STXBP4: variants seen among roughly 807,000 people sequenced by gnomAD.
STXBP4 encodes syntaxin binding protein 4.
In STXBP4, 55 loss-of-function variants were observed where a neutral mutation model predicts 76.1. The observed-to-expected ratio is 0.72, with a 90% CI of 0.58 to 0.91. The LOEUF (loss-of-function observed/expected upper bound fraction) is 0.91. STXBP4 is among the 40% of genes least tolerant of loss of function. The pLI, the probability that STXBP4 is intolerant of heterozygous loss-of-function variation, is 0.00. For missense variants in STXBP4, 618 were observed against 636.9 expected, an observed-to-expected ratio of 0.97 and a Z score of 0.32; for synonymous variants, 201 against 220.2, an observed-to-expected ratio of 0.91 and a Z score of 0.77.
At chr17:55,154,139 A>G (rs546312122) in intron 17 of STXBP4, among the ~76,000 whole-genome samples, 1 of 152,246 alleles carries the variant, frequency 6.6e-6, no homozygotes, top group African/African-American at 2.4e-5. Context: ...GGCTCCTCCC[A>G]TCTCATGTCT....
At chr17:55,053,538 G>A (rs912616737) in intron 12 of STXBP4, among the ~76,000 whole-genome samples, 1 of 152,018 alleles carries the variant, frequency 6.6e-6, no homozygotes, top group African/African-American at 2.4e-5. Context: ...ATGAACCTGG[G>A]GAATTAGGTA....
chr17:55,041,668 G>A (rs1392962510), intron 10 of STXBP4, among the ~76,000 whole-genome samples: 15 of 152,124 alleles, frequency 9.9e-5, no homozygotes, highest in Admixed American at 9.8e-4. Context: ...ATAAATGAAG[G>A]CAGCAGGGTA....
chr17:55,040,448 C>T (rs1418964531), intron 10 of STXBP4, among the ~76,000 whole-genome samples: 1 of 152,038 alleles, frequency 6.6e-6, no homozygotes, highest in African/African-American at 2.4e-5. Flanking sequence ...TAATGGAAGG[C>T]CTTATCAATA....
At chr17:55,082,401 A>G (rs985319923) in intron 16 of STXBP4, among the ~76,000 whole-genome samples, 18 of 152,226 alleles carry the variant, frequency 1.2e-4, no homozygotes, top group East Asian at 1.9e-4. Flanking sequence ...AGCCTGGGAA[A>G]TTTAATGTAT....
the STXBP4 span, among the ~76,000 whole-genome samples, chr17:55,184,559 T>C: frequency 2.6e-5 from 4 of 152,238 alleles, no homozygotes; most frequent in Admixed American, 2.6e-4. Context: ...GAATCATACA[T>C]ATGTATTCTT....
At chr17:55,142,557 A>G (rs1163257949) in intron 17 of STXBP4, among the ~76,000 whole-genome samples, 2 of 152,174 alleles carry the variant, frequency 1.3e-5, no homozygotes, top group Non-Finnish European at 2.9e-5. Flanking sequence ...TTAAGTACCT[A>G]GCATAGAACT....
chr17:55,152,788 T>A (rs1372883774), intron 17 of STXBP4, among the ~76,000 whole-genome samples: 1 of 152,168 alleles, frequency 6.6e-6, no homozygotes, highest in African/African-American at 2.4e-5. Flanking sequence ...GAGATTTGGG[T>A]GGGTACACAG....
At chr17:55,194,684 G>T in the STXBP4 span, among the ~76,000 whole-genome samples, 1 of 152,340 alleles carries the variant, frequency 6.6e-6, no homozygotes, top group East Asian at 1.9e-4. Flanking sequence ...ATAGGTTCCA[G>T]AAGGTCAGAG....
chr17:55,175,284 C>T (rs2080425625), downstream of STXBP4, among the ~76,000 whole-genome samples: 1 of 152,120 alleles, frequency 6.6e-6, no homozygotes, highest in South Asian at 2.1e-4. Flanking sequence ...TTTTTGAAAT[C>T]TAAAGACACC....
rs113168002 is a variant in STXBP4 at position 55,068,769 on chromosome 17, T to A, written c.1012-4131T>A. Reference sequence around the variant, plus strand: ...ATAAAATAGGTGTGATTTTCCATTATAAAAATGAGCAAACTGAGTCTTAGA... The same window carrying A: ...ATAAAATAGGTGTGATTTTCCATTAAAAAAATGAGCAAACTGAGTCTTAGA... On this transcript the variant is annotated intron_variant, in intron 12 of 17. Coordinates refer to ENST00000376352, the MANE Select transcript of STXBP4 (RefSeq NM_178509.6). Among the ~76,000 whole-genome samples the A allele has an allele frequency of 8.3e-3, 1,260 of 152,226 alleles. 16 individuals are homozygous for A. The highest frequency in any genetic ancestry group is 0.029 in the African/African-American group (1,224 of 41,558).
chr17:55,101,707 A>G (rs978445011), intron 16 of STXBP4, among the ~76,000 whole-genome samples: 1 of 152,246 alleles, frequency 6.6e-6, no homozygotes, highest in African/African-American at 2.4e-5. Context: ...ACAAGGAAGC[A>G]TGAATGAACC....
chr17:55,207,247 T>C, the STXBP4 span, among the ~76,000 whole-genome samples: 1 of 152,120 alleles, frequency 6.6e-6, no homozygotes, highest in Non-Finnish European at 1.5e-5. Flanking sequence ...CTAGCCAGAC[T>C]CCTGCCTTCA....
At chr17:55,132,999 G>T (rs1567776467) in intron 16 of STXBP4, among the ~76,000 whole-genome samples, 1 of 152,056 alleles carries the variant, frequency 6.6e-6, no homozygotes, top group Non-Finnish European at 1.5e-5. Flanking sequence ...ATTAAGAAAT[G>T]AAGTCAGAGA....
At chr17:54,972,844 A>G (rs1389978591) in intron 1 of STXBP4, among the ~76,000 whole-genome samples, 5 of 152,192 alleles carry the variant, frequency 3.3e-5, no homozygotes, top group African/African-American at 4.8e-5. Flanking sequence ...CAGTGTATGT[A>G]CTTACTTGCT....
chr17:55,134,338 A>T (rs2080004930), intron 16 of STXBP4, among the ~76,000 whole-genome samples: 1 of 152,124 alleles, frequency 6.6e-6, no homozygotes, highest in South Asian at 2.1e-4. Flanking sequence ...TATGAAATGT[A>T]TTATGAGATA....
chr17:55,023,168 C>A (rs2078345292), intron 8 of STXBP4, among the ~76,000 whole-genome samples: 1 of 152,150 alleles, frequency 6.6e-6, no homozygotes, highest in South Asian at 2.1e-4. Flanking sequence ...TCTTAATGGA[C>A]TTTCAAAAGT....
intron 12 of STXBP4, among the ~76,000 whole-genome samples, chr17:55,060,004 T>A (rs986815642): frequency 2.0e-5 from 3 of 152,086 alleles, no homozygotes; most frequent in Non-Finnish European, 4.4e-5. Flanking sequence ...AGGGTAAAGA[T>A]GTGTGGATTC....
intron 1 of STXBP4, among the ~76,000 whole-genome samples, chr17:54,982,905 A>G (rs1025857873): frequency 1.3e-5 from 2 of 152,178 alleles, no homozygotes; most frequent in African/African-American, 4.8e-5. Flanking sequence ...TTTTACCTGA[A>G]TTAATTTTCC....
chr17:55,091,322 A>G (rs911472016), intron 16 of STXBP4, among the ~76,000 whole-genome samples: 1 of 152,182 alleles, frequency 6.6e-6, no homozygotes, highest in African/African-American at 2.4e-5. Flanking sequence ...TTTAATGGTC[A>G]TATATTCTCA....
Sources: allele counts gnomAD v4.1 joint callset (sites outside exome capture counted in the v4.1 genomes callset), GRCh38; gene constraint gnomAD v4.1.1; transcripts MANE v1.5; gene names NCBI Gene and HGNC (gene_info 2026-07-23, HGNC 2026-07-21).